Variants in ARNT2 observed in about 807,000 individuals in gnomAD.
The protein encoded by ARNT2 is aryl hydrocarbon receptor nuclear translocator 2, also known as ARNT protein 2.
Under a neutral mutation model 91.7 loss-of-function variants are expected in ARNT2, and 36 were observed. That is an observed-to-expected ratio of 0.39 (90% CI 0.30 to 0.52). ARNT2 has a LOEUF of 0.52. Ranked by LOEUF, ARNT2 falls within the 20% of genes least tolerant of loss-of-function variation. The pLI, the probability that ARNT2 is intolerant of heterozygous loss-of-function variation, is 0.72. For synonymous variants in ARNT2, 365 were observed against 347.1 expected, an observed-to-expected ratio of 1.05 and a Z score of -0.57; for missense variants, 775 against 939.3, an observed-to-expected ratio of 0.83 and a Z score of 2.29.
chr15:80,485,081 A>G (rs566608766), intron 5 of ARNT2, among the ~76,000 whole-genome samples: 6 of 152,366 alleles, frequency 3.9e-5, no homozygotes, highest in Admixed American at 2.6e-4. Context: ...ATTTGTTTTA[A>G]TAACTGCAAA....
intron 1 of ARNT2, among the ~76,000 whole-genome samples, chr15:80,405,169 C>A (rs1441364373): frequency 1.3e-5 from 2 of 152,212 alleles, no homozygotes; most frequent in East Asian, 1.9e-4. Flanking sequence ...TCTGACCTGT[C>A]CCCAGGGTGC....
chr15:80,539,107 G>C (rs369611096), intron 8 of ARNT2, among the ~76,000 whole-genome samples: 1 of 151,968 alleles, frequency 6.6e-6, no homozygotes, highest in African/African-American at 2.4e-5. Context: ...ATGGTTCCAG[G>C]CCTTGAAAGC....
intron 17 of ARNT2, among the ~76,000 whole-genome samples, chr15:80,584,943 A>G (rs1272402526): frequency 2.6e-5 from 4 of 152,244 alleles, no homozygotes; most frequent in Non-Finnish European, 5.9e-5. Flanking sequence ...GAGTTGTGAC[A>G]AGCATAGCAT....
chr15:80,542,143 A>G (rs563870354), intron 8 of ARNT2, among the ~76,000 whole-genome samples: 16 of 152,358 alleles, frequency 1.1e-4, no homozygotes, highest in African/African-American at 3.6e-4. Context: ...GAAATTTTAC[A>G]TACACACACT....
chr15:80,415,820 T>C (rs1238607612), intron 1 of ARNT2, among the ~76,000 whole-genome samples: 1 of 152,098 alleles, frequency 6.6e-6, no homozygotes, highest in Non-Finnish European at 1.5e-5. Context: ...AGCTAGAAAA[T>C]ACTGGACGAG....
intron 11 of ARNT2, among the ~76,000 whole-genome samples, chr15:80,558,635 C>G (rs571419727): frequency 6.6e-6 from 1 of 152,116 alleles, no homozygotes; most frequent in Non-Finnish European, 1.5e-5. Context: ...CTACCGTGCC[C>G]GGCCTTCATG....
chr15:80,439,117 A>G (rs1399900235), intron 1 of ARNT2, among the ~76,000 whole-genome samples: 2 of 152,154 alleles, frequency 1.3e-5, no homozygotes, highest in Non-Finnish European at 2.9e-5. Context: ...TAATATTTAT[A>G]TTTATACACC....
chr15:80,545,790 G>A (rs982021339), intron 8 of ARNT2, among the ~76,000 whole-genome samples: 2 of 152,196 alleles, frequency 1.3e-5, no homozygotes, highest in African/African-American at 4.8e-5. Flanking sequence ...AGCTTCCATG[G>A]GTTAAAGAAG....
intron 5 of ARNT2, among the ~76,000 whole-genome samples, chr15:80,495,082 C>T (rs1219108393): frequency 6.6e-6 from 1 of 151,534 alleles, no homozygotes; most frequent in Admixed American, 6.6e-5. Context: ...CAGGCACCCC[C>T]ACCCCTGTAA....
chr15:80,432,726 A>G (rs909133333), intron 1 of ARNT2, among the ~76,000 whole-genome samples: 1 of 152,100 alleles, frequency 6.6e-6, no homozygotes, highest in Non-Finnish European at 1.5e-5. Context: ...CCATGAACAG[A>G]GAGCTTGTCC....
rs567786669 is a variant in ARNT2 at position 80,433,551 on chromosome 15, G to A, written c.32-17329G>A. ...TCCACCCACCACCTCCCCCCGCCTC[G>A]GCCTCCCAAAGTGCTGGAATTACAG... On this transcript the variant is annotated intron_variant, in intron 1 of 18. Transcript: ENST00000303329. 6.1e-4 allele frequency among the ~76,000 whole-genome samples: 92 copies of A among 151,860 alleles called. No individual in the cohort carries two copies. In the South Asian group the frequency reaches 0.014, roughly 23 times the overall value.
At chr15:80,564,855 C>T (rs1261207387) in intron 12 of ARNT2, among the ~76,000 whole-genome samples, 2 of 151,936 alleles carry the variant, frequency 1.3e-5, no homozygotes, top group South Asian at 2.1e-4. Context: ...CTGCAAAGGA[C>T]GTGGTTTTGT....
chr15:80,472,983 C>T (rs1896752347), intron 4 of ARNT2, among the ~76,000 whole-genome samples: 1 of 152,114 alleles, frequency 6.6e-6, no homozygotes, highest in African/African-American at 2.4e-5. Flanking sequence ...CTATGCAGGT[C>T]AGATGAGCCC....
chr15:80,442,237 G>A (rs1425448149), intron 1 of ARNT2, among the ~76,000 whole-genome samples: 1 of 152,192 alleles, frequency 6.6e-6, no homozygotes, highest in African/African-American at 2.4e-5. Context: ...TTAGGAAACG[G>A]CATCTTTCCC....
At chr15:80,494,349 T>C (rs772902022) in intron 5 of ARNT2, among the ~76,000 whole-genome samples, 25 of 152,194 alleles carry the variant, frequency 1.6e-4, no homozygotes, top group African/African-American at 4.1e-4. Flanking sequence ...CGACTTGAAA[T>C]TGCCTTCTTG....
At chr15:80,559,345 C>T (rs550108545) in intron 11 of ARNT2, among the ~76,000 whole-genome samples, 2 of 152,206 alleles carry the variant, frequency 1.3e-5, no homozygotes, top group South Asian at 2.1e-4. Context: ...CCAGCCCCAG[C>T]CCCGGCCACA....
In ARNT2 at chr15:80,555,149, G is replaced by T; in HGVS notation, c.1164+10G>T. 3 of 1,613,840 alleles carry T rather than the reference G, an allele frequency of 1.9e-6. No individual in the cohort carries two copies. Among genetic ancestry groups the T allele is most frequent in the Non-Finnish European group, 2.5e-6 (3 of 1,179,744 alleles). Reference sequence around the variant, plus strand: ...TGAGAGCTTCCAGCAGGTACATACTGCCAGTACCCACTTAAAGCTGATGCA... The same window carrying T: ...TGAGAGCTTCCAGCAGGTACATACTTCCAGTACCCACTTAAAGCTGATGCA... On this transcript the variant is annotated intron_variant, in intron 11 of 18. Transcript: ENST00000303329.
intron 1 of ARNT2, among the ~76,000 whole-genome samples, chr15:80,433,176 T>C (rs1283013049): frequency 1.4e-5 from 2 of 146,202 alleles, no homozygotes; most frequent in African/African-American, 2.5e-5. Context: ...CAATTTGTTG[T>C]GTAAACAGCG....
chr15:80,552,580 T>C, intron 9 of ARNT2, 60 bp from the exon 10 acceptor site: 1 of 1,577,428 alleles, frequency 6.3e-7, no homozygotes, highest in Non-Finnish European at 8.7e-7. Flanking sequence ...CTCATCTCTG[T>C]CACCATCTCC....
Sources: allele counts gnomAD v4.1 joint callset (sites outside exome capture counted in the v4.1 genomes callset), GRCh38; gene constraint gnomAD v4.1.1; transcripts MANE v1.5; gene names NCBI Gene and HGNC (gene_info 2026-07-23, HGNC 2026-07-21).